Variants in ADD1 observed in about 807,000 individuals in gnomAD.
The protein encoded by ADD1 is alpha-adducin.
Under a neutral mutation model 80.5 loss-of-function variants are expected in ADD1, and 24 were observed. That is an observed-to-expected ratio of 0.30 (90% CI 0.22 to 0.42). The LOEUF is 0.42. ADD1 is among the 10% of genes least tolerant of loss of function. The pLI, the probability that ADD1 is intolerant of heterozygous loss-of-function variation, is 1.00. For missense variants in ADD1, 948 were observed against 1,019.0 expected (o/e 0.93, Z 0.95); for synonymous variants, 373 against 393.8 (o/e 0.95, Z 0.63).
At chr4:2,918,135 C>T (rs920828842) in intron 14 of ADD1, among the ~76,000 whole-genome samples, 20 of 152,240 alleles carry the variant, frequency 1.3e-4, no homozygotes, top group African/African-American at 4.6e-4. Flanking sequence ...TTTCACAATA[C>T]TGATTCTTTG....
At chr4:2,892,515 A>G (rs1461568742) in intron 4 of ADD1, among the ~76,000 whole-genome samples, 2 of 152,116 alleles carry the variant, frequency 1.3e-5, no homozygotes, top group Admixed American at 1.3e-4. Flanking sequence ...GGCAATGAGG[A>G]TGTGGTGTTG....
intron 1 of ADD1, among the ~76,000 whole-genome samples, chr4:2,863,971 T>TGTGGGGG (rs1729177136): frequency 6.6e-6 from 1 of 152,228 alleles, no homozygotes; most frequent in Non-Finnish European, 1.5e-5. Context: ...GTGGAGACCA[T>TGTGGGGG]GTGGGGCACA....
At chr4:2,891,867 A>G (rs1734357878) in intron 4 of ADD1, among the ~76,000 whole-genome samples, 1 of 152,238 alleles carries the variant, frequency 6.6e-6, no homozygotes, top group Non-Finnish European at 1.5e-5. Flanking sequence ...GAGACAGGAT[A>G]GATTTAGATG....
intron 2 of ADD1, among the ~76,000 whole-genome samples, chr4:2,878,335 G>A (rs538304896): frequency 6.6e-6 from 1 of 152,288 alleles, no homozygotes; most frequent in South Asian, 2.1e-4. Flanking sequence ...CGTAGTAGAG[G>A]TAGGAAGAAG....
Position 2,926,666 on chromosome 4 carries a change from T to A in ADD1, c.2047+554T>A, listed in dbSNP as rs1475772813. 4 of 1,613,898 alleles carry A rather than the reference T, an allele frequency of 2.5e-6. No individual in the cohort carries two copies. In the Admixed American group the frequency reaches 6.7e-5, roughly 27 times the overall value. On this transcript the variant is annotated intron_variant, in intron 15 of 15. Transcript: ENST00000683351. This position sits in a 1 kb window ranked among gnomAD's most constrained non-coding sequence, Gnocchi z 5.0. ...GGAGACGGATGCGCTAGAGAGTACCTGTTACCCTAGTAAGTACCGTGCTGC... is the reference window on the plus strand; with the variant it reads ...GGAGACGGATGCGCTAGAGAGTACCAGTTACCCTAGTAAGTACCGTGCTGC...
chr4:2,852,262 C>CTTTCT (rs1560139031), intron 1 of ADD1, among the ~76,000 whole-genome samples: 9 of 78,132 alleles, frequency 1.2e-4, no homozygotes, highest in African/African-American at 3.5e-4. Flanking sequence ...TCTTTCTTTC[C>CTTTCT]TTCCTTCCTT....
intron 9 of ADD1, among the ~76,000 whole-genome samples, chr4:2,903,116 G>T (rs1736461156): frequency 6.6e-6 from 1 of 152,166 alleles, no homozygotes; most frequent in African/African-American, 2.4e-5. Context: ...AGTACCCAGA[G>T]GGGAGAGAGA....
chr4:2,854,551 G>C (rs1357899016), intron 1 of ADD1, among the ~76,000 whole-genome samples: 1 of 152,136 alleles, frequency 6.6e-6, no homozygotes, highest in Non-Finnish European at 1.5e-5. Context: ...GTTCATATAT[G>C]TTGACAGTAT....
At chr4:2,889,295 A>G (rs1238125150) in intron 4 of ADD1, among the ~76,000 whole-genome samples, 1 of 152,138 alleles carries the variant, frequency 6.6e-6, no homozygotes, top group African/African-American at 2.4e-5. Context: ...CACAAGTGGA[A>G]ATAATTATAT....
intron 1 of ADD1, among the ~76,000 whole-genome samples, chr4:2,869,012 T>C (rs911034235): frequency 5.3e-5 from 8 of 152,210 alleles, no homozygotes; most frequent in African/African-American, 1.9e-4. Context: ...GCGCTCACTC[T>C]GCTGTGTTTT....
intron 1 of ADD1, among the ~76,000 whole-genome samples, chr4:2,845,786 T>C (rs902846909): frequency 1.4e-4 from 21 of 152,222 alleles, no homozygotes; most frequent in African/African-American, 4.8e-4. Context: ...TTAGTTCTTA[T>C]AGTCTTTGAA....
At chr4:2,862,669 A>G (rs77576671) in intron 1 of ADD1, among the ~76,000 whole-genome samples, 1 of 152,118 alleles carries the variant, frequency 6.6e-6, no homozygotes, top group Non-Finnish European at 1.5e-5. Flanking sequence ...CTTCCTACTT[A>G]ATGATGTGAC....
intron 1 of ADD1, among the ~76,000 whole-genome samples, chr4:2,866,038 A>T (rs1447622930): frequency 6.6e-6 from 1 of 152,252 alleles, no homozygotes; most frequent in African/African-American, 2.4e-5. Context: ...TAGCATACTT[A>T]TAAAATTATT....
intron 6 of ADD1, among the ~76,000 whole-genome samples, chr4:2,897,565 T>C (rs59692453): frequency 7.7e-6 from 1 of 130,316 alleles, no homozygotes; most frequent in Admixed American, 7.7e-5. Flanking sequence ...TTTTTTTTTT[T>C]AGGAGATGAG....
intron 1 of ADD1, among the ~76,000 whole-genome samples, chr4:2,854,557 A>G (rs958757532): frequency 1.3e-5 from 2 of 152,318 alleles, no homozygotes; most frequent in Admixed American, 1.3e-4. Flanking sequence ...ATATGTTGAC[A>G]GTATTTTATT....
At chr4:2,866,650 A>G (rs758138554) in intron 1 of ADD1, among the ~76,000 whole-genome samples, 2 of 152,200 alleles carry the variant, frequency 1.3e-5, no homozygotes, top group Non-Finnish European at 2.9e-5. Flanking sequence ...GAAGAGCCCC[A>G]GTATGCCTGC....
At position 2,899,569 on chromosome 4, in the gene ADD1, A is replaced by G. The variant is rs771995362; in HGVS notation, c.1161+134A>G. 4 of 958,640 alleles carry G rather than the reference A, an allele frequency of 4.2e-6. No homozygotes were observed. The South Asian group carries it at 5.6e-5, about 13-fold the overall frequency. 59.4% of individuals were successfully genotyped at this position (958,640 alleles called of 1,614,324 possible). ...TTCACCTTCAAAGTCATGAAGAAGCACTAGGGTTGTTTAACTTCTGAGGTA... is the reference window on the plus strand; with the variant it reads ...TTCACCTTCAAAGTCATGAAGAAGCGCTAGGGTTGTTTAACTTCTGAGGTA... On this transcript the variant is annotated intron_variant, in intron 9 of 15. Coordinates refer to ENST00000683351, the MANE Select transcript of ADD1 (RefSeq NM_001354761.2).
intron 1 of ADD1, among the ~76,000 whole-genome samples, chr4:2,867,091 A>G (rs1227838934): frequency 1.3e-5 from 2 of 152,022 alleles, no homozygotes; most frequent in Non-Finnish European, 2.9e-5. Context: ...AAAGAAGGAA[A>G]ACCCACAAAA....
intron 1 of ADD1, among the ~76,000 whole-genome samples, chr4:2,850,664 A>G (rs2108781412): frequency 6.6e-6 from 1 of 152,152 alleles, no homozygotes; most frequent in East Asian, 1.9e-4. Context: ...TGACCTCATG[A>G]TCCGCCCGCC....
Sources: allele counts gnomAD v4.1 joint callset (sites outside exome capture counted in the v4.1 genomes callset), GRCh38; gene constraint gnomAD v4.1.1; non-coding constraint Gnocchi (gnomAD v3.1); transcripts MANE v1.5; gene names NCBI Gene and HGNC (gene_info 2026-07-23, HGNC 2026-07-21).